The following RPAP2 variants were observed in gnomAD, a reference collection of about 807,000 sequenced individuals.
The protein encoded by RPAP2 is RNA polymerase II associated protein 2.
In RPAP2, 52 loss-of-function variants were observed where a neutral mutation model predicts 73.1. The observed-to-expected ratio is 0.71, with a 90% CI of 0.57 to 0.90. RPAP2 has a LOEUF of 0.90. Among genes scored for constraint, RPAP2 ranks in the 40% least tolerant of loss-of-function variants. The pLI, the probability that RPAP2 is intolerant of heterozygous loss-of-function variation, is 0.00. For missense variants in RPAP2, 598 were observed against 701.8 expected (o/e 0.85, Z 1.67); for synonymous variants, 225 against 242.1 (o/e 0.93, Z 0.65).
Position 92,307,174 on chromosome 1 carries a change from A to C in RPAP2, c.400-14A>C. The C allele has an allele frequency of 6.4e-7, 1 of 1,574,266 alleles. No homozygotes were observed. ...ATGATAAGAAAAAAACTAGATTTAT[A>C]ATGTTCTTTTCAGTCTTTTTGCAGC... On this transcript the variant is annotated splice_polypyrimidine_tract_variant and intron_variant, in intron 5 of 12. Transcript: ENST00000610020.
chr1:92,318,749 A>T (rs890879256), intron 6 of RPAP2, among the ~76,000 whole-genome samples: 2 of 152,052 alleles, frequency 1.3e-5, no homozygotes, highest in Non-Finnish European at 2.9e-5. Context: ...CTCCTTTGAG[A>T]TATCCTTTCA....
rs1337258296 is a variant in RPAP2 at position 92,304,085 on chromosome 1, T to G, written c.333+10T>G. 1.3e-6 allele frequency: 2 copies of G among 1,561,844 alleles called. No homozygotes were observed. Among genetic ancestry groups the G allele is most frequent in the African/African-American group, 1.4e-5 (1 of 72,884 alleles). On this transcript the variant is annotated intron_variant, in intron 4 of 12. Coordinates refer to ENST00000610020, the MANE Select transcript of RPAP2 (RefSeq NM_024813.3). Reference sequence around the variant, plus strand: ...GAAGAAGCTGGGAATTGTAAGTAACTCATTTTTTTTAAAATATAGGCTTTT... The same window carrying G: ...GAAGAAGCTGGGAATTGTAAGTAACGCATTTTTTTTAAAATATAGGCTTTT...
intron 11 of RPAP2, among the ~76,000 whole-genome samples, chr1:92,378,262 C>T (rs534386463): frequency 3.9e-5 from 6 of 152,160 alleles, no homozygotes; most frequent in African/African-American, 1.4e-4. Flanking sequence ...TGGAGTGCAG[C>T]GGTGTGATCT....
intron 11 of RPAP2, among the ~76,000 whole-genome samples, chr1:92,352,787 C>T (rs910785208): frequency 3.3e-5 from 5 of 152,136 alleles, no homozygotes; most frequent in African/African-American, 7.2e-5. Context: ...ACAACTATCA[C>T]CACTATCTAA....
intron 11 of RPAP2, among the ~76,000 whole-genome samples, chr1:92,350,207 G>T (rs1654126856): frequency 6.6e-6 from 1 of 152,182 alleles, no homozygotes; most frequent in Non-Finnish European, 1.5e-5. Context: ...CACATGGAAA[G>T]ACCTTTTAAA....
intron 11 of RPAP2, among the ~76,000 whole-genome samples, chr1:92,348,075 G>A (rs1338769520): frequency 1.3e-5 from 2 of 151,980 alleles, no homozygotes; most frequent in Non-Finnish European, 2.9e-5. Context: ...ATGCCCAGTA[G>A]AGCTGGGGTT....
chr1:92,373,017 T>C (rs976739435), intron 11 of RPAP2, among the ~76,000 whole-genome samples: 1 of 152,244 alleles, frequency 6.6e-6, no homozygotes, highest in Non-Finnish European at 1.5e-5. Context: ...CAAGTAATTA[T>C]TGATGATCTA....
In RPAP2 at chr1:92,351,738, C is replaced by A. The variant is rs554577003; in HGVS notation, c.1688+5824C>A. Among the ~76,000 whole-genome samples the A allele has an allele frequency of 7.2e-5, 11 of 152,266 alleles. No homozygotes were observed. The South Asian group carries it at 2.3e-3, about 32-fold the overall frequency. ...AAAGAGAAGACATATAGAAGGCTATCGAGAAGCAGCTTGACTGGCCCGAGT... is the reference window on the plus strand; with the variant it reads ...AAAGAGAAGACATATAGAAGGCTATAGAGAAGCAGCTTGACTGGCCCGAGT... On this transcript the variant is annotated intron_variant, in intron 11 of 12. Coordinates refer to ENST00000610020, the MANE Select transcript of RPAP2 (RefSeq NM_024813.3).
intron 8 of RPAP2, among the ~76,000 whole-genome samples, chr1:92,326,097 A>G (rs1489578207): frequency 6.6e-6 from 1 of 151,898 alleles, no homozygotes; most frequent in Non-Finnish European, 1.5e-5. Flanking sequence ...ATACTAGATA[A>G]TGCCAAACAG....
chr1:92,327,550 A>G (rs753108793), intron 8 of RPAP2, among the ~76,000 whole-genome samples: 4 of 152,154 alleles, frequency 2.6e-5, no homozygotes, highest in Admixed American at 2.0e-4. Context: ...GTGAATCCTT[A>G]TGTGTCAGGT....
At chr1:92,326,375 A>G (rs1652629450) in intron 8 of RPAP2, among the ~76,000 whole-genome samples, 1 of 152,180 alleles carries the variant, frequency 6.6e-6, no homozygotes, top group Non-Finnish European at 1.5e-5. Context: ...CAGGGGGGTG[A>G]AATGGATTCT....
chr1:92,376,818 G>A (rs1203591901), intron 11 of RPAP2, among the ~76,000 whole-genome samples: 1 of 152,128 alleles, frequency 6.6e-6, no homozygotes, highest in African/African-American at 2.4e-5. Flanking sequence ...TAAGAGTTTG[G>A]GCTTTTTGAG....
At position 92,391,962 on chromosome 1, in the gene RPAP2, G is replaced by A. The variant is rs1001328378; in HGVS notation, c.*4951G>A. 2.6e-5 allele frequency: 4 copies of A among 152,184 alleles called. No homozygotes were observed. The highest frequency in any genetic ancestry group is 5.9e-5 in the Non-Finnish European group (4 of 68,052). 9.4% of individuals were successfully genotyped at this position (152,184 alleles called of 1,614,324 possible). The stretch of plus-strand genomic sequence containing the variant: ...CAAATTCTACGAAAGGTACAAAGAG[G>A]TGCTGGTACCATTCCTTCTGAAACT... On this transcript the variant is annotated 3_prime_UTR_variant, in exon 13 of 13. Coordinates refer to ENST00000610020, the MANE Select transcript of RPAP2 (RefSeq NM_024813.3).
At chr1:92,323,075 T>TTATA (rs374769115) in intron 7 of RPAP2, among the ~76,000 whole-genome samples, 1 of 144,848 alleles carries the variant, frequency 6.9e-6, no homozygotes, top group Non-Finnish European at 1.5e-5. Context: ...ATATATATAT[T>TTATA]TATATATATA....
At chr1:92,334,708 C>T (rs12731923) in intron 9 of RPAP2, among the ~76,000 whole-genome samples, 39,496 of 151,862 alleles carry the variant, frequency 0.26, 6,523 homozygotes, top group Non-Finnish European at 0.35. Flanking sequence ...AAAATTCGGC[C>T]GAGTGCAGTG....
In RPAP2 at chr1:92,399,998, A is replaced by T. The variant is rs573232871; in HGVS notation, c.*12987A>T. The T allele has an allele frequency of 6.6e-6, 1 of 152,356 alleles. No homozygotes were observed. The highest frequency in any genetic ancestry group is 2.1e-4 in the South Asian group (1 of 4,832). 9.4% of individuals were successfully genotyped at this position (152,356 alleles called of 1,614,324 possible). On this transcript the variant is annotated 3_prime_UTR_variant, in exon 13 of 13. Coordinates refer to ENST00000610020, the MANE Select transcript of RPAP2 (RefSeq NM_024813.3). ...CTAAATATCTCACTTTAAAAAAAGC[A>T]CAAACTAAGACTCAATGAGGTTTAT...
intron 11 of RPAP2, among the ~76,000 whole-genome samples, chr1:92,361,495 C>T (rs1200102529): frequency 6.6e-6 from 1 of 151,898 alleles, no homozygotes; most frequent in Non-Finnish European, 1.5e-5. Context: ...TTGCATTGCA[C>T]GTGAAAAAAC....
chr1:92,377,504 G>A (rs1455745065), intron 11 of RPAP2, among the ~76,000 whole-genome samples: 3 of 128,634 alleles, frequency 2.3e-5, no homozygotes, highest in Admixed American at 8.8e-5. Flanking sequence ...ATGACAGAGC[G>A]AAACTTTGTC....
intron 3 of RPAP2, among the ~76,000 whole-genome samples, chr1:92,302,155 T>C (rs548120081): frequency 1.3e-4 from 20 of 152,184 alleles, no homozygotes; most frequent in Middle Eastern, 6.8e-3. Context: ...CTCATGCCTG[T>C]AATCCCAGCT....
Sources: gnomAD v4.1 joint callset for allele counts (sites outside exome capture counted in the v4.1 genomes callset) on GRCh38, gnomAD v4.1.1 for gene constraint, MANE v1.5 for transcripts, NCBI Gene and HGNC (gene_info 2026-07-23, HGNC 2026-07-21) for gene names.